Variants in SV2B observed in about 807,000 individuals in gnomAD.
The protein encoded by SV2B is solute carrier family 22 member B2.
A neutral mutation model predicts 73.9 loss-of-function variants in SV2B; 41 were observed. The observed-to-expected ratio is 0.56, with a 90% confidence interval of 0.43 to 0.72. SV2B has a LOEUF of 0.72. Ranked by LOEUF, SV2B falls within the 30% of genes least tolerant of loss-of-function variation. The pLI is 0.00. For synonymous variants in SV2B, 314 were observed against 314.2 expected, an observed-to-expected ratio of 1.00 and a Z score of 0.01; for missense variants, 764 against 857.8, an observed-to-expected ratio of 0.89 and a Z score of 1.37.
intron 6 of SV2B, among the ~76,000 whole-genome samples, chr15:91,263,459 A>G (rs1022865959): frequency 1.3e-5 from 2 of 148,658 alleles, no homozygotes; most frequent in African/African-American, 5.0e-5. Flanking sequence ...CAGACACAGG[A>G]ACATACGGAC....
intron 1 of SV2B, among the ~76,000 whole-genome samples, chr15:91,104,293 GGCCTCA>G (rs2151715627): frequency 6.6e-6 from 1 of 152,314 alleles, no homozygotes; most frequent in South Asian, 2.1e-4. Flanking sequence ...GCTTTAGGAT[GGCCTCA>G]GCTGGATGAC....
At chr15:91,145,243 T>C (rs1199542045) in intron 1 of SV2B, among the ~76,000 whole-genome samples, 4 of 152,220 alleles carry the variant, frequency 2.6e-5, no homozygotes, top group Non-Finnish European at 5.9e-5. Context: ...TATGCAATAT[T>C]TGGTTTTCTA....
At chr15:91,209,297 T>C (rs2045769926) in intron 1 of SV2B, among the ~76,000 whole-genome samples, 1 of 151,934 alleles carries the variant, frequency 6.6e-6, no homozygotes, top group African/African-American at 2.4e-5. Context: ...AATTTTTGTA[T>C]TTTTAGTAGA....
chr15:91,116,358 G>A (rs915008071), intron 1 of SV2B, among the ~76,000 whole-genome samples: 2 of 152,146 alleles, frequency 1.3e-5, no homozygotes, highest in African/African-American at 4.8e-5. Context: ...TTGAACACCG[G>A]TCAGCATATT....
rs1397931081 is a variant in SV2B at position 91,295,560 on chromosome 15, T to C, written c.*3008T>C. The C allele has an allele frequency of 6.6e-6, 1 of 152,134 alleles. No homozygotes were observed. Among genetic ancestry groups the C allele is most frequent in the Non-Finnish European group, 1.5e-5 (1 of 68,024 alleles). 9.4% of individuals were successfully genotyped at this position (152,134 alleles called of 1,614,324 possible). A position where few individuals can be genotyped will look rare whatever the true frequency, so the allele number is the denominator to read the frequency against. On this transcript the variant is annotated 3_prime_UTR_variant, in exon 13 of 13. Transcript: ENST00000394232. ...ATGGGGACCTTGAGAGGTTAAACGA[T>C]GTGGCCCAGATTACATGTAATGTGA...
At chr15:91,272,207 C>G (rs2048339415) in intron 9 of SV2B, among the ~76,000 whole-genome samples, 1 of 152,150 alleles carries the variant, frequency 6.6e-6, no homozygotes, top group Non-Finnish European at 1.5e-5. Context: ...TTGGAAAGTG[C>G]AAGAAAGGCA....
At chr15:91,116,676 G>C (rs1479608979) in intron 1 of SV2B, among the ~76,000 whole-genome samples, 1 of 152,186 alleles carries the variant, frequency 6.6e-6, no homozygotes, top group Non-Finnish European at 1.5e-5. Flanking sequence ...CTTGCAGTCT[G>C]GTCAGGCTTG....
intron 1 of SV2B, among the ~76,000 whole-genome samples, chr15:91,215,906 G>T (rs1266863361): frequency 6.6e-6 from 1 of 152,112 alleles, no homozygotes; most frequent in Non-Finnish European, 1.5e-5. Flanking sequence ...GACTAAGTCT[G>T]ATGTTACTTT....
chr15:91,204,371 T>C (rs1429971532), intron 1 of SV2B, among the ~76,000 whole-genome samples: 2 of 152,288 alleles, frequency 1.3e-5, no homozygotes, highest in East Asian at 3.9e-4. Context: ...GCTACTGTAA[T>C]AGGCAGTGTA....
chr15:91,244,492 C>G (rs1038764046), intron 2 of SV2B, among the ~76,000 whole-genome samples: 2 of 152,306 alleles, frequency 1.3e-5, no homozygotes, highest in South Asian at 2.1e-4. Context: ...TAAAGCCAAA[C>G]CTTTTCGACC....
chr15:91,177,210 G>A (rs1476940236), intron 1 of SV2B, among the ~76,000 whole-genome samples: 14 of 151,388 alleles, frequency 9.2e-5, no homozygotes, highest in South Asian at 2.1e-4. Context: ...GTAAATATGC[G>A]GCATTATTTC....
intron 9 of SV2B, among the ~76,000 whole-genome samples, chr15:91,275,846 A>G (rs1458221589): frequency 6.6e-6 from 1 of 152,154 alleles, no homozygotes; most frequent in Non-Finnish European, 1.5e-5. Flanking sequence ...AGGAAAATGT[A>G]CTTAACCATT....
rs1474489915 is a variant in SV2B, at chr15:91,253,918, A to G, written c.784+1398A>G. Among the ~76,000 whole-genome samples, 1 of 152,224 alleles carries G rather than the reference A, an allele frequency of 6.6e-6. No homozygotes were observed. Among genetic ancestry groups the G allele is most frequent in the Non-Finnish European group, 1.5e-5 (1 of 68,044 alleles). On this transcript the variant is annotated intron_variant, in intron 4 of 12. Coordinates refer to ENST00000394232, the MANE Select transcript of SV2B (RefSeq NM_001323032.3). This position sits in a 1 kb window ranked among gnomAD's most constrained non-coding sequence, Gnocchi z 5.0. ...TATCTAGTACTTGAAAATCCACTGG[A>G]TTTTATATCAGAAACAGAAAAAATA...
intron 11 of SV2B, among the ~76,000 whole-genome samples, chr15:91,286,025 G>C (rs1007136973): frequency 1.3e-5 from 2 of 152,210 alleles, no homozygotes; most frequent in Non-Finnish European, 2.9e-5. Flanking sequence ...TCTCGAATGA[G>C]AGATCTAGAA....
At chr15:91,248,237 C>G (rs1297777106) in intron 2 of SV2B, among the ~76,000 whole-genome samples, 1 of 152,078 alleles carries the variant, frequency 6.6e-6, no homozygotes, top group East Asian at 1.9e-4. Context: ...AGGAGGATGG[C>G]GTGAACCCGG....
intron 1 of SV2B, among the ~76,000 whole-genome samples, chr15:91,175,662 C>T (rs920846334): frequency 2.0e-5 from 3 of 151,620 alleles, no homozygotes; most frequent in Admixed American, 2.0e-4. Context: ...TCTCCATGTC[C>T]TTTAGACTCA....
In SV2B at chr15:91,105,982, C is replaced by T. The variant is rs2041871331; in HGVS notation, c.-392+5619C>T. Reference sequence around the variant, plus strand: ...GAGGATCACCTGAGCCTGGGGAGGTCGAGGCTGCAGTGAGTCACGATAATG... The same window carrying T: ...GAGGATCACCTGAGCCTGGGGAGGTTGAGGCTGCAGTGAGTCACGATAATG... On this transcript the variant is annotated intron_variant, in intron 1 of 12. Transcript: ENST00000394232. This position sits in a 1 kb window ranked among gnomAD's most constrained non-coding sequence, Gnocchi z 5.5. Among the ~76,000 whole-genome samples the T allele has an allele frequency of 1.3e-5, 2 of 151,806 alleles. No individual in the cohort carries two copies. Among genetic ancestry groups the T allele is most frequent in the African/African-American group, 2.4e-5 (1 of 41,272 alleles).
At chr15:91,215,323 T>G (rs1473214782) in intron 1 of SV2B, among the ~76,000 whole-genome samples, 1 of 152,186 alleles carries the variant, frequency 6.6e-6, no homozygotes, top group African/African-American at 2.4e-5. Context: ...AAAATTACCC[T>G]GGGAGCTTGG....
At position 91,227,777 on chromosome 15, in the gene SV2B, T is replaced by C. The variant is rs2141494425; in HGVS notation, c.451+1063T>C. Among the ~76,000 whole-genome samples, 1 of 152,356 alleles carries C rather than the reference T, an allele frequency of 6.6e-6. No homozygotes were observed. ...AGACATTAACAAACACAGAGAATTA[T>C]TTGGTTACTGTAGGGACAGTCTCTA... On this transcript the variant is annotated intron_variant, in intron 2 of 12. Coordinates refer to ENST00000394232, the MANE Select transcript of SV2B (RefSeq NM_001323032.3). This position sits in a 1 kb window ranked among gnomAD's most constrained non-coding sequence, Gnocchi z 4.5.
Sources: allele counts gnomAD v4.1 joint callset (sites outside exome capture counted in the v4.1 genomes callset), GRCh38; gene constraint gnomAD v4.1.1; non-coding constraint Gnocchi (gnomAD v3.1); transcripts MANE v1.5; gene names NCBI Gene and HGNC (gene_info 2026-07-23, HGNC 2026-07-21).